SLC39A12: variants seen among roughly 807,000 people sequenced by gnomAD.
The protein encoded by SLC39A12 is zinc transporter ZIP12.
In SLC39A12, 63 loss-of-function variants were observed where a neutral mutation model predicts 71.1. That is an observed-to-expected ratio of 0.89 (90% CI 0.72 to 1.09). The LOEUF is 1.09. SLC39A12 is among the 50% of genes least tolerant of loss of function. SLC39A12 has a pLI of 0.00. For synonymous variants in SLC39A12, 351 were observed against 301.3 expected, an observed-to-expected ratio of 1.16 and a Z score of -1.71; for missense variants, 892 against 812.6, an observed-to-expected ratio of 1.10 and a Z score of -1.19.
At chr10:17,987,320 C>T (rs982819996) in intron 6 of SLC39A12, among the ~76,000 whole-genome samples, 159 bp from the exon 7 acceptor site, 3 of 152,112 alleles carry the variant, frequency 2.0e-5, no homozygotes, top group Non-Finnish European at 4.4e-5. Context: ...GGGTGACAGA[C>T]AGAGAGCCTG....
At chr10:17,993,983 A>G (rs1210687956) in intron 9 of SLC39A12, among the ~76,000 whole-genome samples, 2 of 152,226 alleles carry the variant, frequency 1.3e-5, no homozygotes, top group African/African-American at 4.8e-5. Flanking sequence ...AGAAATGAGG[A>G]GGCTATTCCT....
chr10:17,971,412 A>G (rs1834972252), intron 4 of SLC39A12, among the ~76,000 whole-genome samples: 1 of 151,422 alleles, frequency 6.6e-6, no homozygotes. Context: ...TAGAATTGGT[A>G]TTAGTGCTTC....
intron 3 of SLC39A12, among the ~76,000 whole-genome samples, chr10:17,963,670 C>T (rs1237109254): frequency 6.6e-6 from 1 of 152,236 alleles, no homozygotes; most frequent in South Asian, 2.1e-4. Context: ...CCAGACTTTG[C>T]AGGAGGCTTT....
intron 12 of SLC39A12, among the ~76,000 whole-genome samples, chr10:18,040,923 TG>T (rs1837207915): frequency 6.6e-6 from 1 of 152,140 alleles, no homozygotes; most frequent in African/African-American, 2.4e-5. Context: ...GAGGCATTTT[TG>T]CTTGCCATGA....
At chr10:17,985,452 T>G (rs930827963) in intron 6 of SLC39A12, among the ~76,000 whole-genome samples, 2 of 51,408 alleles carry the variant, frequency 3.9e-5, no homozygotes, top group Middle Eastern at 9.3e-3. Flanking sequence ...AGAGGATAGT[T>G]TTTTTTTTTC....
At chr10:18,031,340 C>A (rs934378884) in intron 12 of SLC39A12, among the ~76,000 whole-genome samples, 3 of 143,998 alleles carry the variant, frequency 2.1e-5, no homozygotes, top group African/African-American at 7.7e-5. Context: ...GATTGCCATT[C>A]TAACTGGTGT....
chr10:18,011,157 T>G (rs1836209248), intron 12 of SLC39A12, among the ~76,000 whole-genome samples: 1 of 152,032 alleles, frequency 6.6e-6, no homozygotes, highest in Non-Finnish European at 1.5e-5. Context: ...TGGCGCGATC[T>G]CAACTTACTG....
At chr10:17,960,613 A>T (rs782206762) in intron 2 of SLC39A12, among the ~76,000 whole-genome samples, 1 of 152,254 alleles carries the variant, frequency 6.6e-6, no homozygotes, top group African/African-American at 2.4e-5. Context: ...ACAGGTTCTC[A>T]TAGAGAAGAG....
intron 12 of SLC39A12, among the ~76,000 whole-genome samples, chr10:18,018,480 T>C (rs1345948843): frequency 1.3e-5 from 2 of 152,178 alleles, no homozygotes; most frequent in Non-Finnish European, 2.9e-5. Context: ...GGAAAGCTTC[T>C]AGTTTCTCAC....
chr10:17,953,849 C>A (rs1834470358), intron 2 of SLC39A12, among the ~76,000 whole-genome samples: 1 of 152,206 alleles, frequency 6.6e-6, no homozygotes, highest in Admixed American at 6.5e-5. Context: ...CTAATCTTTT[C>A]TTAAAGCCTT....
intron 6 of SLC39A12, 110 bp from the exon 7 acceptor site, chr10:17,987,369 T>C: frequency 1.1e-6 from 1 of 899,312 alleles, no homozygotes; most frequent in East Asian, 2.5e-5. Flanking sequence ...AAAAAATCCA[T>C]ATCCCTACTG....
At chr10:18,017,360 G>A (rs1192350349) in intron 12 of SLC39A12, among the ~76,000 whole-genome samples, 1 of 152,152 alleles carries the variant, frequency 6.6e-6, no homozygotes, top group East Asian at 1.9e-4. Flanking sequence ...CCAGGCTGGG[G>A]TGCAGTGGCA....
intron 12 of SLC39A12, among the ~76,000 whole-genome samples, chr10:18,040,702 G>C (rs1192443967): frequency 6.7e-6 from 1 of 149,972 alleles, no homozygotes; most frequent in African/African-American, 2.5e-5. Context: ...CCAGGAGGCA[G>C]AGGTTGCAGT....
At chr10:18,011,338 C>A (rs2497767) in intron 12 of SLC39A12, among the ~76,000 whole-genome samples, 2 of 152,038 alleles carry the variant, frequency 1.3e-5, no homozygotes, top group Non-Finnish European at 2.9e-5. Flanking sequence ...ATCCACCTGC[C>A]TCAGCTTCCC....
At chr10:18,041,663 G>GTATATATATGTATATACATATGTATATA (rs1837238657) in intron 12 of SLC39A12, among the ~76,000 whole-genome samples, 1 of 88,302 alleles carries the variant, frequency 1.1e-5, no homozygotes, top group African/African-American at 4.2e-5. Context: ...ATGTATATAT[G>GTATATATATGTATATACATATGTATATA]TGTATATATA....
intron 4 of SLC39A12, among the ~76,000 whole-genome samples, chr10:17,973,691 T>A (rs1835033065): frequency 6.6e-6 from 1 of 152,160 alleles, no homozygotes; most frequent in South Asian, 2.1e-4. Context: ...GGTAGTTTGC[T>A]TATTAAATGC....
Position 18,020,475 on chromosome 10 carries a change from T to A in SLC39A12, c.1947+17117T>A, listed in dbSNP as rs532870441. Among the ~76,000 whole-genome samples, 3 of 152,166 alleles carry A rather than the reference T, an allele frequency of 2.0e-5. No homozygotes were observed. The East Asian group carries it at 5.8e-4, about 29-fold the overall frequency. ...GTAGAATGATTTATATTCTTTTGGA[T>A]ATATATAGCCAGTAATGGGATTGCT... On this transcript the variant is annotated intron_variant, in intron 12 of 12. Coordinates refer to ENST00000377369, the MANE Select transcript of SLC39A12 (RefSeq NM_001145195.2).
rs868911820 is a variant in SLC39A12, at chr10:17,952,487, T to C, written c.-87+462T>C. ...AAACTCTTTTTTTTTCTTTTTTCTTTTTTCTTTTTTTTTTTTTTGAGATGG... is the reference window on the plus strand; with the variant it reads ...AAACTCTTTTTTTTTCTTTTTTCTTCTTTCTTTTTTTTTTTTTTGAGATGG... On this transcript the variant is annotated intron_variant, in intron 1 of 12. Coordinates refer to ENST00000377369, the MANE Select transcript of SLC39A12 (RefSeq NM_001145195.2). Among the ~76,000 whole-genome samples the C allele has an allele frequency of 5.6e-4, 77 of 136,328 alleles. 2 individuals are homozygous for C. In the East Asian group the frequency reaches 7.9e-3, roughly 14 times the overall value. 89.4% of individuals were successfully genotyped at this position (136,328 alleles called of 152,430 possible).
chr10:17,981,401 A>G lies in SLC39A12; in HGVS notation c.1014A>G (p.Pro338=). Residue 338 remains proline (P), a synonymous_variant, in exon 6 of 13, where the codon CCA becomes CCG. Transcript: ENST00000377369. ...ISKEDFKQMS[P]GIIQQLLSCS... ...AGGAGGACTTTAAGCAAATGAGTCC[A>G]GGGATCATCCAGCAGCTCCTCAGCT... 1 of 1,614,066 alleles carries G rather than the reference A, an allele frequency of 6.2e-7. No homozygotes were observed. Among genetic ancestry groups the G allele is most frequent in the South Asian group, 1.1e-5 (1 of 91,064 alleles).
Sources: allele counts gnomAD v4.1 joint callset (sites outside exome capture counted in the v4.1 genomes callset), GRCh38; gene constraint gnomAD v4.1.1; transcripts MANE v1.5; gene names NCBI Gene and HGNC (gene_info 2026-07-23, HGNC 2026-07-21).